GGA3: variants seen among roughly 807,000 people sequenced by gnomAD.
GGA3 encodes ADP-ribosylation factor-binding protein GGA3.
Under a neutral mutation model 77.5 loss-of-function variants are expected in GGA3, and 57 were observed. That is an observed-to-expected ratio of 0.74 (90% CI 0.59 to 0.92). The LOEUF (loss-of-function observed/expected upper bound fraction) is 0.92. Ranked by LOEUF, GGA3 falls within the 40% of genes least tolerant of loss-of-function variation. GGA3 has a pLI of 0.00. For synonymous variants in GGA3, 416 were observed against 383.7 expected, an observed-to-expected ratio of 1.08 and a Z score of -0.98; for missense variants, 970 against 914.9, an observed-to-expected ratio of 1.06 and a Z score of -0.78.
intron 1 of GGA3, among the ~76,000 whole-genome samples, chr17:75,255,544 A>G (rs1197682477): frequency 6.6e-6 from 1 of 151,960 alleles, no homozygotes; most frequent in African/African-American, 2.4e-5. Flanking sequence ...AATCACCCTT[A>G]CCCCGCTCAA....
intron 4 of GGA3, chr17:75,244,401 C>G: frequency 1.9e-6 from 1 of 513,218 alleles, no homozygotes; most frequent in Non-Finnish European, 3.6e-6. Flanking sequence ...TACCACATCA[C>G]CTGTCAGATT....
chr17:75,241,394 T>C lies in GGA3; in HGVS notation c.946+6A>G. 1 of 1,568,562 alleles carries C rather than the reference T, an allele frequency of 6.4e-7. No individual in the cohort carries two copies. The highest frequency in any genetic ancestry group is 8.8e-7 in the Non-Finnish European group (1 of 1,139,254). ...GAGCCTAGAGTTGGGGACCAGAGCA[T>C]CTCACCTTCCGAGTCAGGCAGGGTT... is the stretch of plus-strand genomic sequence containing the variant. On this transcript the variant is annotated splice_donor_region_variant and intron_variant, in intron 10 of 16. Transcript: ENST00000537686.
At chr17:75,242,709 G>GC (rs2076603774) in intron 7 of GGA3, 122 bp downstream of exon 7, 1 of 948,722 alleles carries the variant, frequency 1.1e-6, no homozygotes, top group South Asian at 1.4e-5. Flanking sequence ...AGCCACCGGG[G>GC]CACAGGTAGG....
chr17:75,237,559 T>C lies in GGA3; in HGVS notation c.*720A>G. 1 of 1,535,800 alleles carries C rather than the reference T, an allele frequency of 6.5e-7. No individual in the cohort carries two copies. The highest frequency in any genetic ancestry group is 8.7e-7 in the Non-Finnish European group (1 of 1,146,652). ...TGGAGAAGGGGAAATACTGGCTCTC[T>C]TCATTTTCCTTCCTATCCCTAGTTG... On this transcript the variant is annotated 3_prime_UTR_variant, in exon 17 of 17. Coordinates refer to ENST00000537686, the MANE Select transcript of GGA3 (RefSeq NM_138619.4).
At chr17:75,262,297 A>G (rs1025680278), upstream of GGA3, 3 of 684,254 alleles carry the variant, frequency 4.4e-6, no homozygotes, top group East Asian at 2.6e-5. Context: ...GCACTTGACC[A>G]GGAGGAGACT....
Position 75,241,634 on chromosome 17 carries a change from C to T in GGA3, c.810G>A (p.Glu270=). The change falls in exon 9 of 17, where the codon GAG becomes GAA. Residue 270 remains glutamate, a synonymous_variant. Transcript: ENST00000537686. The part of the protein sequence containing the change: ...RTLFKLASET[E]DNDNSLGDIL... ...ACTCACCCAAACTGTTATCATTGTC[C>T]TCAGTCTCACTGGCGAGTTTAAATA... The T allele has an allele frequency of 6.2e-7, 1 of 1,614,110 alleles. No homozygotes were observed. Among genetic ancestry groups the T allele is most frequent in the African/African-American group, 1.3e-5 (1 of 75,030 alleles).
In GGA3 at chr17:75,248,398, G is replaced by T. The variant is rs373683038; in HGVS notation, c.41-1602C>A. On this transcript the variant is annotated intron_variant, in intron 1 of 16. Transcript: ENST00000537686. ...AGGCAGGAGAATGGCGCGAACCCGG[G>T]GGGTGGAGTCTGCAGTGAGCTGAGA... is the stretch of plus-strand genomic sequence containing the variant. Among the ~76,000 whole-genome samples, 12 of 145,528 alleles carry T rather than the reference G, an allele frequency of 8.2e-5. No homozygotes were observed. The East Asian group carries it at 1.3e-3, about 15-fold the overall frequency.
upstream of GGA3, chr17:75,262,056 C>T: frequency 6.5e-7 from 1 of 1,543,558 alleles, no homozygotes; most frequent in South Asian, 1.1e-5. Context: ...CCGCGTGGGC[C>T]CCTAGAGAGA....
At position 75,237,627 on chromosome 17, in the gene GGA3, A is replaced by G. The variant is rs571431195; in HGVS notation, c.*652T>C. On this transcript the variant is annotated 3_prime_UTR_variant, in exon 17 of 17. Transcript: ENST00000537686. Reference sequence around the variant, plus strand: ...AATTCCATGTCCTGCCAAGATGTCCATAGGACACAGCCTGCCACTGCCAGG... The same window carrying G: ...AATTCCATGTCCTGCCAAGATGTCCGTAGGACACAGCCTGCCACTGCCAGG... The G allele has an allele frequency of 2.5e-4, 387 of 1,520,936 alleles. 4 individuals are homozygous for G. The highest frequency in any genetic ancestry group is 1.8e-4 in the Admixed American group (9 of 50,350). 94.2% of individuals were successfully genotyped at this position (1,520,936 alleles called of 1,614,324 possible).
At chr17:75,254,273 T>C (rs1166485624) in intron 1 of GGA3, among the ~76,000 whole-genome samples, 5 of 152,104 alleles carry the variant, frequency 3.3e-5, no homozygotes, top group East Asian at 1.9e-4. Context: ...CCTCAGCCTC[T>C]GCTCCTCCAC....
In GGA3 at chr17:75,240,387, A is replaced by C. The variant is rs1250783866; in HGVS notation, c.1218T>G (p.Val406=). 1 of 1,600,642 alleles carries C rather than the reference A, an allele frequency of 6.2e-7. No individual in the cohort carries two copies. The highest frequency in any genetic ancestry group is 1.1e-5 in the South Asian group (1 of 88,122). The change falls in exon 12 of 17, where the codon GTT becomes GTG. Residue 406 remains valine (V), a synonymous_variant. Transcript: ENST00000537686. ...CLGLADPAPN[V]PPKESAGNSQ... Reference sequence around the variant, plus strand: ...TGTTCCCAGCTGACTCTTTGGGAGGAACATTAGGGGCTGGGTCGGCGAGGC... The same window carrying C: ...TGTTCCCAGCTGACTCTTTGGGAGGCACATTAGGGGCTGGGTCGGCGAGGC...
At chr17:75,262,015 G>A, upstream of GGA3, 1 of 1,599,356 alleles carries the variant, frequency 6.3e-7, no homozygotes, top group Non-Finnish European at 8.5e-7. Flanking sequence ...GCGGGGGGGC[G>A]CTGCGAGGAA....
rs1400276474 is a variant in GGA3 at position 75,238,001 on chromosome 17, G to A, written c.*278C>T. The A allele has an allele frequency of 2.4e-6, 3 of 1,232,554 alleles. No individual in the cohort carries two copies. The highest frequency in any genetic ancestry group is 3.0e-6 in the Non-Finnish European group (3 of 986,134). 76.4% of individuals were successfully genotyped at this position (1,232,554 alleles called of 1,614,324 possible). The stretch of plus-strand genomic sequence containing the variant: ...ACCTACGCCAAGCCTGGGGGTCCAT[G>A]TTCCCGGGACAGCAGTGAAGTCAGG... On this transcript the variant is annotated 3_prime_UTR_variant, in exon 17 of 17. Transcript: ENST00000537686.
At position 75,242,955 on chromosome 17, in the gene GGA3, C is replaced by T. The variant is rs200498663; in HGVS notation, c.529-44G>A. 575 of 1,542,980 alleles carry T rather than the reference C, an allele frequency of 3.7e-4. 4 individuals carry two copies. In the African/African-American group the frequency reaches 7.2e-3, roughly 19 times the overall value. ...AGAGGTGAAGGGAAGAGGCAGCACC[C>T]GTACCCCAGGGAAACCCCAGAGGCT... On this transcript the variant is annotated intron_variant, in intron 6 of 16. Transcript: ENST00000537686.
At chr17:75,244,175 A>G (rs1598406622) in intron 4 of GGA3, among the ~76,000 whole-genome samples, 1 of 152,152 alleles carries the variant, frequency 6.6e-6, no homozygotes, top group Non-Finnish European at 1.5e-5. Flanking sequence ...TTAGCATGGT[A>G]AAGTATTCCC....
chr17:75,246,694 C>A lies in GGA3; in HGVS notation c.125+18G>T. 4 of 1,605,160 alleles carry A rather than the reference C, an allele frequency of 2.5e-6. No individual in the cohort carries two copies. The highest frequency in any genetic ancestry group is 3.4e-6 in the Non-Finnish European group (4 of 1,171,736). On this transcript the variant is annotated intron_variant, in intron 2 of 16. Coordinates refer to ENST00000537686, the MANE Select transcript of GGA3 (RefSeq NM_138619.4). ...CAGTCCGCTCCCTCTCAGCTGCCCCCACAGTGCTGAGACTCACCCTTCCAG... is the reference window on the plus strand; with the variant it reads ...CAGTCCGCTCCCTCTCAGCTGCCCCAACAGTGCTGAGACTCACCCTTCCAG...
intron 1 of GGA3, among the ~76,000 whole-genome samples, chr17:75,260,345 G>A (rs911447197): frequency 1.3e-5 from 2 of 152,206 alleles, no homozygotes; most frequent in African/African-American, 2.4e-5. Context: ...AATTATGGCA[G>A]TAGTGCCTGC....
chr17:75,244,736 G>C lies in GGA3; in HGVS notation c.202-19C>G, dbSNP rs550324900. 7.6e-6 allele frequency: 12 copies of C among 1,582,804 alleles called. No individual in the cohort carries two copies. Among genetic ancestry groups the C allele is most frequent in the Non-Finnish European group, 1.0e-5 (12 of 1,151,702 alleles). The stretch of plus-strand genomic sequence containing the variant: ...CCAGCACCTGTAGCCGCACAGAGGA[G>C]AGGCGCTCAGTGAGGGCGTGCTCGG... On this transcript the variant is annotated intron_variant, in intron 3 of 16. Transcript: ENST00000537686.
intron 1 of GGA3, among the ~76,000 whole-genome samples, chr17:75,251,225 G>C (rs539381086): frequency 1.3e-5 from 2 of 151,890 alleles, no homozygotes; most frequent in Non-Finnish European, 2.9e-5. Context: ...TTAAGCACCC[G>C]CAGACAATGA....
Sources: allele counts gnomAD v4.1 joint callset (sites outside exome capture counted in the v4.1 genomes callset), GRCh38; gene constraint gnomAD v4.1.1; transcripts MANE v1.5; gene names NCBI Gene and HGNC (gene_info 2026-07-23, HGNC 2026-07-21).